Variants in CLCN5 observed in about 807,000 individuals in gnomAD.
CLCN5 encodes the protein H(+)/Cl(-) exchange transporter 5.
Under a neutral mutation model 54.0 loss-of-function variants are expected in CLCN5, and 17 were observed. The ratio of observed to expected loss-of-function variants is 0.31; its 90% confidence interval spans 0.22 to 0.47. The LOEUF (loss-of-function observed/expected upper bound fraction) is 0.47. Among genes scored for constraint, CLCN5 ranks in the 20% least tolerant of loss-of-function variants. CLCN5 has a pLI of 1.00. For synonymous variants in CLCN5, 222 were observed against 233.0 expected (o/e 0.95, Z 0.43); for missense variants, 448 against 646.7 (o/e 0.69, Z 3.33).
At chrX:49,945,258 T>C (rs1426047581) in intron 3 of CLCN5, 1 of 111,530 alleles carries the variant, frequency 9.0e-6, no homozygotes, top group African/African-American at 3.3e-5. Context: ...TAGTATTGGG[T>C]TTTGGATAAT....
chrX:49,977,767 C>T lies in CLCN5; in HGVS notation c.16+52453C>T, dbSNP rs781937521. ...ATCTCCTAGTGTCTTTTCTTTCCCC[C>T]CTCCAGAAGCCCAGGCTGTACACAG... On this transcript the variant is annotated intron_variant, in intron 3 of 14. Transcript: ENST00000376091. Among the ~76,000 whole-genome samples, 10 of 111,802 alleles carry T rather than the reference C, an allele frequency of 8.9e-5. No individual in the cohort carries two copies. In the South Asian group the frequency reaches 2.3e-3, roughly 25 times the overall value.
intron 3 of CLCN5, among the ~76,000 whole-genome samples, chrX:50,027,656 G>T (rs6651601): frequency 9.2e-6 from 1 of 108,524 alleles, no homozygotes; most frequent in Non-Finnish European, 1.9e-5. Context: ...CATATTAAAC[G>T]TATTTTAAAT....
intron 3 of CLCN5, among the ~76,000 whole-genome samples, chrX:49,982,784 T>G (rs1328189022): frequency 2.7e-5 from 3 of 112,109 alleles, no homozygotes; most frequent in African/African-American, 9.7e-5. Context: ...TGTGTGTGTG[T>G]AGAGAGAAAA....
chrX:50,059,804 G>A (rs1164837399), intron 4 of CLCN5, among the ~76,000 whole-genome samples: 2 of 108,512 alleles, frequency 1.8e-5, no homozygotes, highest in Non-Finnish European at 3.8e-5. Context: ...TGCTGATAAA[G>A]CATTTGAAAA....
At chrX:50,025,179 T>C (rs1557184798) in intron 3 of CLCN5, among the ~76,000 whole-genome samples, 2 of 19,703 alleles carry the variant, frequency 1.0e-4, no homozygotes, top group Non-Finnish European at 1.9e-4. Flanking sequence ...TATAGTCTCG[T>C]GGTGCGCCGT....
At chrX:49,927,615 T>C (rs1200020300) in intron 3 of CLCN5, among the ~76,000 whole-genome samples, 1 of 112,028 alleles carries the variant, frequency 8.9e-6, no homozygotes, top group Non-Finnish European at 1.9e-5. Flanking sequence ...AGTTTTCTCC[T>C]TTACAAAATG....
At chrX:49,964,950 G>T (rs782693017) in intron 3 of CLCN5, among the ~76,000 whole-genome samples, 1 of 111,214 alleles carries the variant, frequency 9.0e-6, no homozygotes, top group East Asian at 2.8e-4. Flanking sequence ...AGTCTCCAAA[G>T]TTCAGGGGAA....
At chrX:50,089,566 A>G (rs986384238) in intron 12 of CLCN5, among the ~76,000 whole-genome samples, 3 of 112,267 alleles carry the variant, frequency 2.7e-5, no homozygotes, top group Admixed American at 1.9e-4. Flanking sequence ...AAGAAGCAAC[A>G]GAAAAATGAA....
intron 3 of CLCN5, among the ~76,000 whole-genome samples, chrX:50,032,127 C>A (rs1196869073): frequency 1.8e-5 from 2 of 110,709 alleles, no homozygotes; most frequent in African/African-American, 6.6e-5. Context: ...CATTGTTGGA[C>A]ATCTGGGTTG....
In CLCN5 at chrX:50,086,080, C is replaced by T. The variant is rs1933874263; in HGVS notation, c.1014+20C>T. ...GAAGAGGTAACAACTTTTCATTGTA[C>T]AGCATGTGCATGCTTTTGTGTCAGG... On this transcript the variant is annotated intron_variant, in intron 10 of 14. Coordinates refer to ENST00000376091, the MANE Select transcript of CLCN5 (RefSeq NM_001127898.4). 2.7e-6 allele frequency: 3 copies of T among 1,102,986 alleles called. No individual in the cohort carries two copies. Among genetic ancestry groups the T allele is most frequent in the Non-Finnish European group, 3.8e-6 (3 of 797,659 alleles). 90.9% of individuals were successfully genotyped at this position (1,102,986 alleles called of 1,213,427 possible).
At chrX:50,010,141 GT>G (rs1459710832) in intron 3 of CLCN5, among the ~76,000 whole-genome samples, 1 of 111,040 alleles carries the variant, frequency 9.0e-6, no homozygotes, top group Non-Finnish European at 1.9e-5. Flanking sequence ...ATTGATACTT[GT>G]TTCTTGTTTT....
intron 3 of CLCN5, among the ~76,000 whole-genome samples, chrX:49,999,706 C>A: frequency 9.0e-6 from 1 of 111,396 alleles, no homozygotes; most frequent in Admixed American, 9.5e-5. Context: ...AGTTTAAAGA[C>A]TAAAGAAAAA....
At chrX:50,065,047 C>T (rs1932949322) in intron 4 of CLCN5, among the ~76,000 whole-genome samples, 1 of 108,489 alleles carries the variant, frequency 9.2e-6, no homozygotes, top group Non-Finnish European at 1.9e-5. Flanking sequence ...AGACCTAAAA[C>T]CATAAAAACC....
intron 3 of CLCN5, among the ~76,000 whole-genome samples, chrX:49,948,063 C>A (rs144145846): frequency 9.0e-6 from 1 of 110,675 alleles, no homozygotes; most frequent in Non-Finnish European, 1.9e-5. Flanking sequence ...TTCCTCCTGC[C>A]TCCTAATTAT....
At chrX:49,946,009 G>A (rs1354482172) in intron 3 of CLCN5, among the ~76,000 whole-genome samples, 2 of 110,580 alleles carry the variant, frequency 1.8e-5, no homozygotes, top group Non-Finnish European at 1.9e-5. Flanking sequence ...CGCCCACCTC[G>A]GCCTCCCAAA....
At chrX:49,928,046 T>A (rs1218239049) in intron 3 of CLCN5, among the ~76,000 whole-genome samples, 1 of 112,144 alleles carries the variant, frequency 8.9e-6, no homozygotes, top group Non-Finnish European at 1.9e-5. Context: ...GGTTAATGGT[T>A]ATAAACATAC....
At chrX:49,922,819 C>G (rs1925126518) in intron 1 of CLCN5, 27 bp downstream of exon 1, 1 of 113,170 alleles carries the variant, frequency 8.8e-6, no homozygotes, top group Non-Finnish European at 1.9e-5. Flanking sequence ...TGTCCCTTCC[C>G]CAACAGGTCC....
Position 50,086,378 on chromosome X carries a change from C to T in CLCN5, c.1065C>T (p.Ala355=). The change falls in exon 11 of 15, where the codon GCC becomes GCT. Residue 355 remains alanine, a synonymous_variant. Coordinates refer to ENST00000376091, the MANE Select transcript of CLCN5 (RefSeq NM_001127898.4). ...LKTLWRSFFA[A]LVAAFTLRSI... ...CATTGTGGCGTTCATTCTTTGCTGCCTTGGTGGCAGCATTCACTCTACGCT... is the reference window on the plus strand; with the variant it reads ...CATTGTGGCGTTCATTCTTTGCTGCTTTGGTGGCAGCATTCACTCTACGCT... 8.3e-7 allele frequency: 1 copy of T among 1,210,600 alleles called. No individual in the cohort carries two copies. Among genetic ancestry groups the T allele is most frequent in the Non-Finnish European group, 1.1e-6 (1 of 894,772 alleles).
At chrX:49,977,241 T>C (rs781968843) in intron 3 of CLCN5, among the ~76,000 whole-genome samples, 1 of 111,049 alleles carries the variant, frequency 9.0e-6, no homozygotes, top group South Asian at 3.9e-4. Context: ...TAGGGATTTG[T>C]TTCCCTTATA....
Sources: gnomAD v4.1 joint callset for allele counts (sites outside exome capture counted in the v4.1 genomes callset) on GRCh38, gnomAD v4.1.1 for gene constraint, MANE v1.5 for transcripts, NCBI Gene and HGNC (gene_info 2026-07-23, HGNC 2026-07-21) for gene names.